Variants in EPHB1 observed in about 807,000 individuals in gnomAD.
EPHB1 encodes the protein EPH receptor B1.
Under a neutral mutation model 94.4 loss-of-function variants are expected in EPHB1, and 30 were observed. The observed-to-expected ratio is 0.32, with a 90% confidence interval of 0.24 to 0.43. EPHB1 has a LOEUF of 0.43. Among genes scored for constraint, EPHB1 ranks in the 20% least tolerant of loss-of-function variants. The probability of loss-of-function intolerance (pLI) is 1.00; values close to 1 mark genes in which losing one functional copy is unlikely to be tolerated. For missense variants in EPHB1, 1,055 were observed against 1,308.3 expected, an observed-to-expected ratio of 0.81 and a Z score of 2.99; for synonymous variants, 522 against 489.1, an observed-to-expected ratio of 1.07 and a Z score of -0.89.
At chr3:134,918,995 G>A (rs184573071) in intron 1 of EPHB1, among the ~76,000 whole-genome samples, 33 of 152,316 alleles carry the variant, frequency 2.2e-4, no homozygotes, top group Admixed American at 1.8e-3. Flanking sequence ...AAGAGCAACC[G>A]AGATGAGGCC....
At chr3:135,045,958 G>A (rs868528542) in intron 3 of EPHB1, among the ~76,000 whole-genome samples, 1 of 152,054 alleles carries the variant, frequency 6.6e-6, no homozygotes, top group Non-Finnish European at 1.5e-5. Flanking sequence ...GTTTGTTTCC[G>A]TTTTTCAACT....
At chr3:134,824,393 G>T (rs145886923) in intron 1 of EPHB1, among the ~76,000 whole-genome samples, 1 of 152,210 alleles carries the variant, frequency 6.6e-6, no homozygotes, top group Non-Finnish European at 1.5e-5. Context: ...GCCTAGGTCT[G>T]GGTTCCTAGG....
chr3:135,116,554 C>T (rs530559855), intron 4 of EPHB1, among the ~76,000 whole-genome samples: 1 of 152,322 alleles, frequency 6.6e-6, no homozygotes, highest in South Asian at 2.1e-4. Flanking sequence ...TTGCCAGTGC[C>T]TCGTGGTGGT....
intron 11 of EPHB1, among the ~76,000 whole-genome samples, chr3:135,198,114 C>T (rs1328171904): frequency 6.6e-6 from 1 of 152,186 alleles, no homozygotes; most frequent in African/African-American, 2.4e-5. Flanking sequence ...ATAAGAGTAG[C>T]ATCACTAATC....
chr3:134,817,523 A>G (rs6439523), intron 1 of EPHB1, among the ~76,000 whole-genome samples: 18,811 of 152,218 alleles, frequency 0.12, 2,496 homozygotes, highest in African/African-American at 0.33. Flanking sequence ...ACCTGAAGGT[A>G]TGAATCCATG....
intron 7 of EPHB1, among the ~76,000 whole-genome samples, chr3:135,165,164 T>C (rs1328174536): frequency 6.6e-6 from 1 of 152,162 alleles, no homozygotes; most frequent in East Asian, 1.9e-4. Flanking sequence ...AAATTATTTG[T>C]ATAGATTAAA....
chr3:135,223,859 G>A (rs868102651), intron 12 of EPHB1, among the ~76,000 whole-genome samples: 1 of 152,178 alleles, frequency 6.6e-6, no homozygotes, highest in African/African-American at 2.4e-5. Context: ...AATCCCTACT[G>A]AAATAAATGC....
At chr3:135,238,287 ACAAG>A (rs1255205091) in intron 12 of EPHB1, among the ~76,000 whole-genome samples, 1 of 152,222 alleles carries the variant, frequency 6.6e-6, no homozygotes, top group African/African-American at 2.4e-5. Flanking sequence ...GCCTGCCATG[ACAAG>A]CTGTCACCTG....
At chr3:135,236,018 G>C (rs1330924316) in intron 12 of EPHB1, among the ~76,000 whole-genome samples, 1 of 152,190 alleles carries the variant, frequency 6.6e-6, no homozygotes, top group East Asian at 1.9e-4. Flanking sequence ...TGTTAAACTA[G>C]TATCTGATAA....
intron 1 of EPHB1, among the ~76,000 whole-genome samples, chr3:134,836,018 A>G (rs2036669018): frequency 6.6e-6 from 1 of 152,242 alleles, no homozygotes; most frequent in African/African-American, 2.4e-5. Context: ...TATCACAGTC[A>G]GTAGTTTGTG....
At chr3:134,978,854 G>A (rs1934298828) in intron 3 of EPHB1, among the ~76,000 whole-genome samples, 1 of 152,208 alleles carries the variant, frequency 6.6e-6, no homozygotes, top group Non-Finnish European at 1.5e-5. Flanking sequence ...TGTGTGGAAT[G>A]AATAAGAGAG....
intron 3 of EPHB1, among the ~76,000 whole-genome samples, chr3:135,056,177 A>G (rs1937341855): frequency 6.6e-6 from 1 of 152,244 alleles, no homozygotes; most frequent in South Asian, 2.1e-4. Flanking sequence ...CAGCAGATCC[A>G]GAGCTTTCTG....
intron 1 of EPHB1, among the ~76,000 whole-genome samples, chr3:134,843,487 T>C (rs1195590245): frequency 6.6e-6 from 1 of 152,182 alleles, no homozygotes; most frequent in Non-Finnish European, 1.5e-5. Flanking sequence ...CTTTTCTCTT[T>C]CCTATCTGGA....
chr3:134,830,776 C>T (rs534829386), intron 1 of EPHB1, among the ~76,000 whole-genome samples: 8 of 152,192 alleles, frequency 5.3e-5, no homozygotes, highest in Non-Finnish European at 1.0e-4. Flanking sequence ...GCAGATGCAA[C>T]CTTGCCCTCC....
chr3:135,216,567 A>T (rs1943151789), intron 12 of EPHB1, among the ~76,000 whole-genome samples: 1 of 151,798 alleles, frequency 6.6e-6, no homozygotes, highest in African/African-American at 2.4e-5. Context: ...TACTAAAAAT[A>T]AAAAAATTAG....
At chr3:135,140,397 G>A (rs1940778229) in intron 5 of EPHB1, among the ~76,000 whole-genome samples, 1 of 152,216 alleles carries the variant, frequency 6.6e-6, no homozygotes, top group South Asian at 2.1e-4. Flanking sequence ...TAGGCGTCTA[G>A]TTGGGTACCT....
At chr3:134,853,982 CA>C (rs2037049706) in intron 1 of EPHB1, among the ~76,000 whole-genome samples, 1 of 152,118 alleles carries the variant, frequency 6.6e-6, no homozygotes, top group Non-Finnish European at 1.5e-5. Flanking sequence ...CACCCAATAC[CA>C]AAAGTGAACA....
rs547936218 is a variant in EPHB1 at position 135,207,261 on chromosome 3, A to T, written c.2346+5572A>T. On this transcript the variant is annotated intron_variant, in intron 12 of 15. Transcript: ENST00000398015. ...TAGGCCTAAGAGTTCTCAGGATTCT[A>T]CACAGTGATATGGCCACCTGTCTCA... Among the ~76,000 whole-genome samples the T allele has an allele frequency of 2.6e-5, 4 of 152,386 alleles. No homozygotes were observed. In the East Asian group the frequency reaches 7.7e-4, roughly 29 times the overall value.
chr3:134,859,180 A>T (rs2037189766), intron 1 of EPHB1, among the ~76,000 whole-genome samples: 1 of 152,142 alleles, frequency 6.6e-6, no homozygotes, highest in Non-Finnish European at 1.5e-5. Context: ...ACTGGTTTAG[A>T]TTCTGACACA....
Sources: allele counts gnomAD v4.1 joint callset (sites outside exome capture counted in the v4.1 genomes callset), GRCh38; gene constraint gnomAD v4.1.1; transcripts MANE v1.5; gene names NCBI Gene and HGNC (gene_info 2026-07-23, HGNC 2026-07-21).